CCDC57: variants seen among roughly 807,000 people sequenced by gnomAD.
CCDC57 encodes coiled-coil domain containing 57.
In CCDC57, 118 loss-of-function variants were observed where a neutral mutation model predicts 118.9. The ratio of observed to expected loss-of-function variants is 0.99; its 90% confidence interval spans 0.86 to 1.16. The LOEUF (loss-of-function observed/expected upper bound fraction) is 1.16, where lower values mean the gene tolerates loss of function less well. CCDC57 is among the 50% of genes most tolerant of loss of function. The pLI, the probability that CCDC57 is intolerant of heterozygous loss-of-function variation, is 0.00. For synonymous variants in CCDC57, 527 were observed against 532.9 expected, an observed-to-expected ratio of 0.99 and a Z score of 0.15; for missense variants, 1,300 against 1,320.7, an observed-to-expected ratio of 0.98 and a Z score of 0.24.
At chr17:82,134,797 A>G (rs200886423) in intron 16 of CCDC57, among the ~76,000 whole-genome samples, 1,403 of 45,984 alleles carry the variant, frequency 0.031, 18 homozygotes, top group African/African-American at 0.095. Flanking sequence ...AAGCAAGCAA[A>G]CAAACAAACA....
At chr17:82,197,530 C>A (rs1206180845) in intron 4 of CCDC57, among the ~76,000 whole-genome samples, 5 of 152,220 alleles carry the variant, frequency 3.3e-5, no homozygotes, top group Non-Finnish European at 5.9e-5. Flanking sequence ...ATTCCAAATT[C>A]TTTTCCATAG....
chr17:82,184,082 C>CAG (rs2046643019), intron 8 of CCDC57, 150 bp from the exon 8 acceptor site: 12 of 572,342 alleles, frequency 2.1e-5, no homozygotes, highest in African/African-American at 1.4e-4. Flanking sequence ...CACACACACA[C>CAG]AGCTCTCGAG....
chr17:82,123,617 G>A (rs2037031988), intron 19 of CCDC57, among the ~76,000 whole-genome samples: 1 of 152,080 alleles, frequency 6.6e-6, no homozygotes, highest in South Asian at 2.1e-4. Flanking sequence ...ATTGATAATT[G>A]TAGTTTAAGA....
rs1238630647 is a variant in CCDC57, at chr17:82,192,747, G to T, written c.851+1009C>A. Among the ~76,000 whole-genome samples, 1 of 152,240 alleles carries T rather than the reference G, an allele frequency of 6.6e-6. No homozygotes were observed. Among genetic ancestry groups the T allele is most frequent in the African/African-American group, 2.4e-5 (1 of 41,454 alleles). ...GCCACCAGTAGGGTCTGCAGAGCAG[G>T]CTGGAAAGCAGCTTCCCACTGCAGA... On this transcript the variant is annotated intron_variant, in intron 7 of 19. Transcript: ENST00000665763. The surrounding 1 kb of genome is among the most constrained non-coding windows in gnomAD (Gnocchi z 4.0).
chr17:82,179,094 T>A (rs950493449), exon 10 of CCDC57: 1 of 1,613,870 alleles, frequency 6.2e-7, no homozygotes, highest in Non-Finnish European at 8.5e-7. Context: ...CCTTTCAATG[T>A]CATCACAGCG....
intron 11 of CCDC57, among the ~76,000 whole-genome samples, chr17:82,176,416 C>T (rs2045499906): frequency 6.6e-6 from 1 of 152,194 alleles, no homozygotes; most frequent in Non-Finnish European, 1.5e-5. Context: ...ACCTGTTCTC[C>T]CTTACCTCAA....
intron 1 of CCDC57, among the ~76,000 whole-genome samples, chr17:82,209,709 A>G (rs2050032133): frequency 2.0e-5 from 3 of 151,776 alleles, no homozygotes; most frequent in Admixed American, 2.0e-4. Context: ...CTGGTTTCCA[A>G]CTCCTCACCT....
At chr17:82,206,093 C>T (rs1005568391) in intron 2 of CCDC57, among the ~76,000 whole-genome samples, 34 of 152,304 alleles carry the variant, frequency 2.2e-4, no homozygotes, top group South Asian at 8.3e-4. Flanking sequence ...GGTTGGGGAG[C>T]GGCAGGAGAA....
chr17:82,132,544 T>C (rs1008096583), intron 17 of CCDC57, among the ~76,000 whole-genome samples: 2 of 152,058 alleles, frequency 1.3e-5, no homozygotes, highest in Non-Finnish European at 2.9e-5. Context: ...AATAAATAGA[T>C]TAAAGCATTT....
At chr17:82,119,479 C>T (rs1329596694) in intron 19 of CCDC57, among the ~76,000 whole-genome samples, 1 of 151,866 alleles carries the variant, frequency 6.6e-6, no homozygotes, top group African/African-American at 2.4e-5. Context: ...GCAGACCATG[C>T]CCCTGCCCTC....
intron 19 of CCDC57, among the ~76,000 whole-genome samples, chr17:82,103,514 A>G (rs1443997593): frequency 6.6e-6 from 1 of 152,124 alleles, no homozygotes; most frequent in Non-Finnish European, 1.5e-5. Flanking sequence ...AGGGTGGGGT[A>G]TCCCGTGGAA....
At chr17:82,210,203 C>T (rs1052483861) in intron 1 of CCDC57, among the ~76,000 whole-genome samples, 2 of 151,956 alleles carry the variant, frequency 1.3e-5, no homozygotes, top group Non-Finnish European at 2.9e-5. Context: ...GCACTAACAC[C>T]GAGACCGCGC....
At chr17:82,170,749 G>A (rs962606765) in intron 13 of CCDC57, among the ~76,000 whole-genome samples, 2 of 152,136 alleles carry the variant, frequency 1.3e-5, no homozygotes, top group African/African-American at 4.8e-5. Context: ...GTTGAGTTAC[G>A]GCAGCCCTAG....
chr17:82,171,826 A>T (rs1330504701), exon 13 of CCDC57: 1 of 1,613,676 alleles, frequency 6.2e-7, no homozygotes. Flanking sequence ...TAGAGTTCGT[A>T]TTTCTGCTTC....
At chr17:82,134,752 C>CCA (rs1474487949) in intron 16 of CCDC57, among the ~76,000 whole-genome samples, 4 of 151,862 alleles carry the variant, frequency 2.6e-5, no homozygotes, top group Non-Finnish European at 5.9e-5. Context: ...CGAGATCATG[C>CCA]CACTGCACTC....
chr17:82,184,025 G>GCACACACACACACA (rs1432239867), intron 8 of CCDC57, 93 bp from the exon 8 acceptor site: 10 of 388,424 alleles, frequency 2.6e-5, no homozygotes, highest in Admixed American at 1.9e-4. Flanking sequence ...ATGCGCGCGC[G>GCACACACACACACA]CGCGCGCACA....
chr17:82,211,798 T>C (rs1488601225), intron 1 of CCDC57, among the ~76,000 whole-genome samples: 1 of 152,182 alleles, frequency 6.6e-6, no homozygotes, highest in Non-Finnish European at 1.5e-5. Flanking sequence ...GGAATGCGCT[T>C]ACTGATAAAA....
At chr17:82,157,784 C>A in exon 15 of CCDC57, 1 of 1,604,904 alleles carries the variant, frequency 6.2e-7, no homozygotes. Context: ...AGGCTGGGGG[C>A]TGCTTCCTGC....
At chr17:82,171,718 G>A (rs1164025263) in exon 13 of CCDC57, 1 of 1,612,572 alleles carries the variant, frequency 6.2e-7, no homozygotes, top group African/African-American at 1.3e-5. Context: ...CTCTGTCGAG[G>A]TGCGGACGCT....
Sources: gnomAD v4.1 joint callset for allele counts (sites outside exome capture counted in the v4.1 genomes callset) on GRCh38, gnomAD v4.1.1 for gene constraint, Gnocchi (gnomAD v3.1) non-coding constraint, MANE v1.5 for transcripts, NCBI Gene and HGNC (gene_info 2026-07-23, HGNC 2026-07-21) for gene names.